MED21: variants seen among roughly 807,000 people sequenced by gnomAD.
MED21 encodes mediator of RNA polymerase II transcription subunit 21.
MED21 carries 9 observed loss-of-function variants against 18.2 expected under a neutral mutation model. The observed-to-expected ratio is 0.49, with a 90% confidence interval of 0.30 to 0.86. The LOEUF is 0.86. MED21 is among the 40% of genes least tolerant of loss of function. The pLI, the probability that MED21 is intolerant of heterozygous loss-of-function variation, is 0.07. For synonymous variants in MED21, 73 were observed against 60.5 expected (o/e 1.21, Z -0.96); for missense variants, 150 against 170.9 (o/e 0.88, Z 0.68).
intron 2 of MED21, among the ~76,000 whole-genome samples, chr12:27,036,703 C>T (rs546034919): frequency 1.8e-4 from 28 of 152,328 alleles, no homozygotes; most frequent in African/African-American, 6.0e-4. Context: ...GGAATCCTTT[C>T]CCCATTGCTT....
At chr12:27,038,216 C>G (rs570617000) in intron 2 of MED21, 5 of 150,484 alleles carry the variant, frequency 3.3e-5, no homozygotes, top group Non-Finnish European at 1.5e-5. Flanking sequence ...CATGGATAGG[C>G]TTCCCAAAAA....
intron 1 of MED21, among the ~76,000 whole-genome samples, chr12:27,024,619 G>A (rs1237623316): frequency 6.6e-6 from 1 of 152,176 alleles, no homozygotes; most frequent in Non-Finnish European, 1.5e-5. Flanking sequence ...CTTGTAACTA[G>A]AAGGATAATA....
chr12:27,030,620 A>C lies in MED21; in HGVS notation c.*2159A>C, dbSNP rs924450791. 8.7e-4 allele frequency: 135 copies of C among 155,434 alleles called. No individual in the cohort carries two copies. The highest frequency in any genetic ancestry group is 3.1e-3 in the African/African-American group (128 of 41,616). 9.6% of individuals were successfully genotyped at this position (155,434 alleles called of 1,614,324 possible). ...ATGATCTAAGCTGATTTAAATCTAA[A>C]AACTGGATAAGAAGCTGTGGCTTGT... On this transcript the variant is annotated 3_prime_UTR_variant, in exon 4 of 4. Transcript: ENST00000282892.
At chr12:27,026,675 A>G in intron 2 of MED21, 141 bp downstream of exon 2, 3 of 702,058 alleles carry the variant, frequency 4.3e-6, no homozygotes, top group South Asian at 1.7e-5. Context: ...TGTTTGTTGT[A>G]AAAAATTTAC....
chr12:27,027,396 T>C lies in MED21; in HGVS notation c.207T>C (p.Ile69=), dbSNP rs151198430. ...TGATTGCACGAACAGCAAAAGACAT[T>C]GATGTTTTGATAGATTCCTTACCCA... ...AALIARTAKD[I]DVLIDSLPSE... The change falls in exon 3 of 4, where the codon ATT becomes ATC. Residue 69 remains isoleucine (I), a synonymous_variant. Coordinates refer to ENST00000282892, the MANE Select transcript of MED21 (RefSeq NM_004264.5). 4.3e-6 allele frequency: 7 copies of C among 1,613,848 alleles called. No individual in the cohort carries two copies. Among genetic ancestry groups the C allele is most frequent in the Non-Finnish European group, 5.9e-6 (7 of 1,179,880 alleles).
rs1236144558 is a variant in MED21 at position 27,030,063 on chromosome 12, T to A, written c.*1602T>A. On this transcript the variant is annotated 3_prime_UTR_variant, in exon 4 of 4. Coordinates refer to ENST00000282892, the MANE Select transcript of MED21 (RefSeq NM_004264.5). ...CTCTTGAGGTTTTAAAAATTACATT[T>A]GTTATTTGAAAGAAAAAAATTAACG... The A allele has an allele frequency of 2.2e-6, 1 of 455,980 alleles. No individual in the cohort carries two copies. The highest frequency in any genetic ancestry group is 3.9e-6 in the Non-Finnish European group (1 of 254,084). 28.2% of individuals were successfully genotyped at this position (455,980 alleles called of 1,614,324 possible).
Position 27,038,640 on chromosome 12 carries a change from CAG to C in MED21, n.147-7513_147-7512del, listed in dbSNP as rs1389796755. 7 of 152,282 alleles carry C rather than the reference CAG, an allele frequency of 4.6e-5. No homozygotes were observed. The South Asian group carries it at 1.5e-3, about 32-fold the overall frequency. 9.4% of individuals were successfully genotyped at this position (152,282 alleles called of 1,614,324 possible). On this transcript the variant is annotated intron_variant and non_coding_transcript_variant, in intron 2 of 4. Coordinates refer to the MED21 transcript ENST00000538186. Reference sequence around the variant, plus strand: ...GCAGGGATAGACAAATACTGTACACCAGTCTCTCAATAGGGAGATCAAAACCA... The same window carrying C: ...GCAGGGATAGACAAATACTGTACACCTCTCTCAATAGGGAGATCAAAACCA...
Position 27,026,393 on chromosome 12 carries a change from A to T in MED21, c.43-27A>T, listed in dbSNP as rs773980031. ...CCTTAAAACTGATAAGTCCTTTCTA[A>T]CCTTGATATGTTTTCTTTGGCCTAA... On this transcript the variant is annotated intron_variant, in intron 1 of 3. Coordinates refer to ENST00000282892, the MANE Select transcript of MED21 (RefSeq NM_004264.5). 2.7e-6 allele frequency: 4 copies of T among 1,481,604 alleles called. No individual in the cohort carries two copies. The Admixed American group carries it at 5.2e-5, about 19-fold the overall frequency. 91.8% of individuals were successfully genotyped at this position (1,481,604 alleles called of 1,614,324 possible). A position where few individuals can be genotyped will look rare whatever the true frequency, so the allele number is the denominator to read the frequency against.
chr12:27,038,248 A>G (rs897289212), intron 2 of MED21: 1 of 152,228 alleles, frequency 6.6e-6, no homozygotes, highest in Non-Finnish European at 1.5e-5. Context: ...CATACCAGCA[A>G]CAAATGGTAA....
At chr12:27,034,736 C>T (rs1033998938), downstream of MED21, among the ~76,000 whole-genome samples, 2 of 152,154 alleles carry the variant, frequency 1.3e-5, no homozygotes, top group Non-Finnish European at 2.9e-5. Flanking sequence ...CCACCACACC[C>T]GATTTGACTC....
At chr12:27,026,984 A>T (rs975034725) in intron 2 of MED21, among the ~76,000 whole-genome samples, 1 of 151,968 alleles carries the variant, frequency 6.6e-6, no homozygotes, top group Admixed American at 6.5e-5. Flanking sequence ...GCTGGAGTGC[A>T]GTGATGCAAT....
chr12:27,023,300 C>CTTATT (rs1555110748), intron 1 of MED21, among the ~76,000 whole-genome samples: 5 of 110,402 alleles, frequency 4.5e-5, no homozygotes, highest in Non-Finnish European at 8.5e-5. Context: ...TTTTTCTTTT[C>CTTATT]TTTTTTTTTT....
chr12:27,024,101 C>T (rs941155694), intron 1 of MED21, among the ~76,000 whole-genome samples: 2 of 152,158 alleles, frequency 1.3e-5, no homozygotes, highest in Non-Finnish European at 2.9e-5. Flanking sequence ...TCCCGTTGAC[C>T]AAGACGTCAG....
At chr12:27,037,872 A>G (rs1321662197) in intron 2 of MED21, 7 of 152,230 alleles carry the variant, frequency 4.6e-5, no homozygotes, top group Non-Finnish European at 1.0e-4. Flanking sequence ...AATCAGTATG[A>G]TCATCTATCT....
In MED21 at chr12:27,030,407, G is replaced by A. The variant is rs1285916117; in HGVS notation, c.*1946G>A. 2.6e-6 allele frequency: 1 copy of A among 389,356 alleles called. No individual in the cohort carries two copies. The highest frequency in any genetic ancestry group is 4.5e-6 in the Non-Finnish European group (1 of 221,338). 24.1% of individuals were successfully genotyped at this position (389,356 alleles called of 1,614,324 possible). A position where few individuals can be genotyped will look rare whatever the true frequency, so the allele number is the denominator to read the frequency against. On this transcript the variant is annotated 3_prime_UTR_variant, in exon 4 of 4. Transcript: ENST00000282892. ...TATACAGTAGACTATAAGAAATTAA[G>A]TATTTGTATCATCCCTAGAGCGACA...
At position 27,030,237 on chromosome 12, in the gene MED21, C is replaced by T. The variant is rs1256927771; in HGVS notation, c.*1776C>T. 6.3e-6 allele frequency: 4 copies of T among 632,566 alleles called. No individual in the cohort carries two copies. In the Admixed American group the frequency reaches 6.7e-5, roughly 11 times the overall value. The allele number at this position is 632,566 out of a possible 1,614,324, so 39.2% of individuals were successfully genotyped here. A position where few individuals can be genotyped will look rare whatever the true frequency, so the allele number is the denominator to read the frequency against. On this transcript the variant is annotated 3_prime_UTR_variant, in exon 4 of 4. Transcript: ENST00000282892. ...AGCTTCACCCTGGGTTCAGGTGATC[C>T]TCCCACTTCAGCCTCTTCAGTAACT...
chr12:27,023,525 G>A (rs1026483472), intron 1 of MED21, among the ~76,000 whole-genome samples: 10 of 151,988 alleles, frequency 6.6e-5, no homozygotes, highest in South Asian at 4.2e-4. Context: ...TCAAACTCCC[G>A]GCCTCAAGCG....
chr12:27,037,855 A>G (rs1234049922), intron 2 of MED21: 3 of 152,250 alleles, frequency 2.0e-5, no homozygotes, highest in Admixed American at 2.0e-4. Context: ...TAACAGATCA[A>G]AATCAGAATC....
chr12:27,029,088 G>C lies in MED21; in HGVS notation c.*627G>C, dbSNP rs1422907141. On this transcript the variant is annotated 3_prime_UTR_variant, in exon 4 of 4. Transcript: ENST00000282892. ...CTGTCAAGAGAATTTCCTGGCTGTT[G>C]TGAAAGAATTTTTCTACATCCTGAA... 1.0e-6 allele frequency: 1 copy of C among 985,226 alleles called. No individual in the cohort carries two copies. The highest frequency in any genetic ancestry group is 1.1e-4 in the East Asian group (1 of 8,832). 61.0% of individuals were successfully genotyped at this position (985,226 alleles called of 1,614,324 possible).
Sources: allele counts gnomAD v4.1 joint callset (sites outside exome capture counted in the v4.1 genomes callset), GRCh38; gene constraint gnomAD v4.1.1; transcripts MANE v1.5; gene names NCBI Gene and HGNC (gene_info 2026-07-23, HGNC 2026-07-21).